Variants in DHRS12 observed in about 807,000 individuals in gnomAD.
DHRS12 encodes dehydrogenase/reductase 12.
DHRS12 carries 29 observed loss-of-function variants against 32.1 expected under a neutral mutation model. The ratio of observed to expected loss-of-function variants is 0.90; its 90% CI spans 0.67 to 1.23. DHRS12 has a LOEUF of 1.23. DHRS12 is among the 50% of genes most tolerant of loss of function. DHRS12 has a pLI of 0.00. For synonymous variants in DHRS12, 150 were observed against 135.9 expected (o/e 1.10, Z -0.72); for missense variants, 330 against 337.2 (o/e 0.98, Z 0.17).
At position 51,769,199 on chromosome 13, in the gene DHRS12, G is replaced by T; in HGVS notation, c.654C>A (p.Leu218=). 6.4e-7 allele frequency: 1 copy of T among 1,564,662 alleles called. No individual in the cohort carries two copies. Among genetic ancestry groups the T allele is most frequent in the Non-Finnish European group, 8.7e-7 (1 of 1,155,962 alleles). Residue 218 remains leucine (L), a synonymous_variant, in exon 8 of 9, where the codon CTC becomes CTA. Transcript: ENST00000444610. ...TGGGCTGTGCGGCTGCGGCAGAGGA[G>T]AGGGCCAGCCACAGCATGGTGTCCG... ...QGADTMLWLA[L]SSAAAAQPSG...
chr13:51,773,743 A>C (rs1473341257), intron 6 of DHRS12, among the ~76,000 whole-genome samples, 187 bp downstream of exon 6: 1 of 151,972 alleles, frequency 6.6e-6, no homozygotes, highest in Non-Finnish European at 1.5e-5. Flanking sequence ...GATGCTGCTG[A>C]AAGCCCACAT....
At chr13:51,803,771 G>T in intron 1 of DHRS12, 1 of 290,444 alleles carries the variant, frequency 3.4e-6, no homozygotes, top group Non-Finnish European at 6.3e-6. Context: ...TTGGCGCCGG[G>T]GCCGCCTGAC....
rs1953830529 is a variant in DHRS12, at chr13:51,768,044, T to C, written c.*143A>G. On this transcript the variant is annotated 3_prime_UTR_variant, in exon 9 of 9. Transcript: ENST00000444610. ...GGTAGTATTTATTTTGAAATAAAAG[T>C]TCCCATCCCTTGTAGGCCTCGCTGT... 1 of 1,435,836 alleles carries C rather than the reference T, an allele frequency of 7.0e-7. No homozygotes were observed. Among genetic ancestry groups the C allele is most frequent in the Non-Finnish European group, 9.1e-7 (1 of 1,099,094 alleles). 88.9% of individuals were successfully genotyped at this position (1,435,836 alleles called of 1,614,324 possible).
At chr13:51,786,303 G>T (rs1362587921) in intron 4 of DHRS12, among the ~76,000 whole-genome samples, 1 of 152,246 alleles carries the variant, frequency 6.6e-6, no homozygotes, top group East Asian at 1.9e-4. Flanking sequence ...AGATGCGGGT[G>T]AGAGTTTTAA....
chr13:51,785,598 T>C (rs887953084), intron 4 of DHRS12, among the ~76,000 whole-genome samples: 9 of 152,196 alleles, frequency 5.9e-5, no homozygotes, highest in African/African-American at 2.2e-4. Flanking sequence ...CCTGAGAATA[T>C]ACGTTGGCCA....
At chr13:51,765,986 C>T (rs536706520), downstream of DHRS12, 8 of 151,694 alleles carry the variant, frequency 5.3e-5, no homozygotes, top group East Asian at 3.9e-4. Flanking sequence ...CCTTGGTTCT[C>T]GGGGATGCAT....
chr13:51,791,774 C>T (rs1287074732), intron 2 of DHRS12, among the ~76,000 whole-genome samples: 1 of 152,166 alleles, frequency 6.6e-6, no homozygotes, highest in African/African-American at 2.4e-5. Context: ...TTCCCCCAGC[C>T]CCTGACAACC....
intron 1 of DHRS12, among the ~76,000 whole-genome samples, chr13:51,801,543 C>T (rs1955755549): frequency 6.6e-6 from 1 of 152,174 alleles, no homozygotes; most frequent in African/African-American, 2.4e-5. Flanking sequence ...CACACTTGAG[C>T]TCATTTGGCC....
rs756952667 is a variant in DHRS12 at position 51,769,231 on chromosome 13, G to A, written c.622C>T (p.Gln208Ter). The change falls in exon 8 of 9, where the codon CAG becomes TAG. Residue 208 changes from glutamine to a stop codon, truncating the protein, a stop_gained. Transcript: ENST00000444610. LOFTEE classifies it high-confidence loss of function. ...AGCCACAGCATGGTGTCCGCGCCCT[G>A]GGCCTCGGAGCGCAGGCGGTCCCCG... The part of the protein sequence containing the change: ...RFGDRLRSEA[Q>*]GADTMLWLAL... 2.0e-5 allele frequency: 31 copies of A among 1,587,154 alleles called. No individual in the cohort carries two copies. Among genetic ancestry groups the A allele is most frequent in the Non-Finnish European group, 2.7e-5 (31 of 1,168,020 alleles).
chr13:51,757,432 C>T, the DHRS12 span, among the ~76,000 whole-genome samples: 10 of 151,038 alleles, frequency 6.6e-5, no homozygotes, highest in African/African-American at 1.7e-4. Flanking sequence ...AAGATCTATC[C>T]TGCAGATTTA....
In DHRS12 at chr13:51,767,995, C is replaced by A. The variant is rs1953827652; in HGVS notation, c.*192G>T. The A allele has an allele frequency of 2.2e-6, 3 of 1,392,126 alleles. No homozygotes were observed. Among genetic ancestry groups the A allele is most frequent in the Non-Finnish European group, 2.8e-6 (3 of 1,076,372 alleles). 86.2% of individuals were successfully genotyped at this position (1,392,126 alleles called of 1,614,324 possible). On this transcript the variant is annotated 3_prime_UTR_variant, in exon 9 of 9. Transcript: ENST00000444610. ...AAGAAAAGAACCTGCTGCAGGAGTT[C>A]AAGGTGAGCCTGATCACAGCCTCGG...
At chr13:51,767,745 T>C (rs1368386371), downstream of DHRS12, 1 of 145,568 alleles carries the variant, frequency 6.9e-6, no homozygotes, top group African/African-American at 3.1e-5. Context: ...TCTGGGACCA[T>C]GCACAGTAAA....
chr13:51,771,332 A>T (rs748675271), intron 7 of DHRS12: 1 of 1,599,942 alleles, frequency 6.3e-7, no homozygotes, highest in Non-Finnish European at 8.5e-7. Flanking sequence ...CCGGAAGAGA[A>T]TTCTGCTCCC....
In DHRS12 at chr13:51,768,157, AT is replaced by A. The variant is rs1566268974; in HGVS notation, c.*29del. On this transcript the variant is annotated 3_prime_UTR_variant, in exon 9 of 9. Coordinates refer to ENST00000444610, the MANE Select transcript of DHRS12 (RefSeq NM_001377533.1). The stretch of plus-strand genomic sequence containing the variant: ...GCACCTTCTGGTATCTTCTAAGGCA[AT>A]TCTGGTACCGCACTGTGTCTGGGTT... 1.3e-6 allele frequency: 2 copies of A among 1,536,000 alleles called. No individual in the cohort carries two copies. The highest frequency in any genetic ancestry group is 3.9e-5 in the Admixed American group (2 of 50,996).
At chr13:51,760,054 G>A in the DHRS12 span, 1 of 327,748 alleles carries the variant, frequency 3.1e-6, no homozygotes, top group Non-Finnish European at 5.5e-6. Flanking sequence ...AAAAATCTGT[G>A]TGGGGTGTTT....
intron 2 of DHRS12, among the ~76,000 whole-genome samples, chr13:51,792,643 G>A (rs182873019): frequency 3.4e-4 from 52 of 152,174 alleles, no homozygotes; most frequent in African/African-American, 1.2e-3. Flanking sequence ...CAAGTGATCT[G>A]TCTGCCTTGG....
intron 4 of DHRS12, among the ~76,000 whole-genome samples, chr13:51,781,438 G>A (rs1225149257): frequency 7.9e-5 from 12 of 152,174 alleles, no homozygotes; most frequent in African/African-American, 2.9e-4. Context: ...TACAGACTGA[G>A]GGCGCCCTGC....
downstream of DHRS12, chr13:51,767,911 G>T: frequency 9.4e-7 from 1 of 1,058,344 alleles, no homozygotes; most frequent in Non-Finnish European, 1.2e-6. Flanking sequence ...TGAAATGATG[G>T]TTCATCTCAA....
intron 2 of DHRS12, 131 bp downstream of exon 2, chr13:51,799,403 T>A: frequency 7.4e-7 from 1 of 1,359,338 alleles, no homozygotes. Context: ...AGCTGGCAGC[T>A]GTGCCCAGAA....
Sources: gnomAD v4.1 joint callset for allele counts (sites outside exome capture counted in the v4.1 genomes callset) on GRCh38, gnomAD v4.1.1 for gene constraint, MANE v1.5 for transcripts, NCBI Gene and HGNC (gene_info 2026-07-23, HGNC 2026-07-21) for gene names.